Variants in DGCR8 observed in about 807,000 individuals in gnomAD.
DGCR8 encodes the protein microprocessor complex subunit DGCR8.
In DGCR8, 14 loss-of-function variants were observed where a neutral mutation model predicts 78.5. The ratio of observed to expected loss-of-function variants is 0.18; its 90% CI spans 0.12 to 0.28. The LOEUF (loss-of-function observed/expected upper bound fraction) is 0.28. Ranked by LOEUF, DGCR8 falls within the 10% of genes least tolerant of loss-of-function variation. DGCR8 has a pLI of 1.00. For missense variants in DGCR8, 702 were observed against 1,022.5 expected, an observed-to-expected ratio of 0.69 and a Z score of 4.28; for synonymous variants, 399 against 402.4, an observed-to-expected ratio of 0.99 and a Z score of 0.10.
At position 20,085,996 on chromosome 22, in the gene DGCR8, G is replaced by T. The variant is rs368705994; in HGVS notation, c.33G>T (p.Pro11=). The T allele has an allele frequency of 6.2e-7, 1 of 1,607,724 alleles. No individual in the cohort carries two copies. Among genetic ancestry groups the T allele is most frequent in the Non-Finnish European group, 8.5e-7 (1 of 1,176,332 alleles). ...CAGATGAGAGCCCCTCTCCGCTCCC[G>T]TGTGGGCCCGCAGGAGAAGCGGTGA... METDESPSPL[P]CGPAGEAVME... Residue 11 remains proline, a synonymous_variant, in exon 2 of 14, where the codon CCG becomes CCT. Transcript: ENST00000351989. This position sits in a 1 kb window ranked among gnomAD's most constrained non-coding sequence, Gnocchi z 6.2.
chr22:20,094,776 A>G lies in DGCR8; in HGVS notation c.1769A>G (p.Lys590Arg), dbSNP rs2049608324. Reference sequence around the variant, plus strand: ...AAACAGACCTCTGAAGAGAAGCCCAAAGACAGTGAAGAACTCGAGGTGAGT... The same window carrying G: ...AAACAGACCTCTGAAGAGAAGCCCAGAGACAGTGAAGAACTCGAGGTGAGT... ...FVKQTSEEKP[K>R]DSEELEYFNH... is the part of the protein sequence containing the mutation. Residue 590 changes from lysine to arginine, a missense_variant, in exon 9 of 14, where the codon AAA (lysine) becomes AGA (arginine). This residue lies in a region of DGCR8 where 225 missense variants were observed against 427.7 expected (regional missense o/e 0.53). Coordinates refer to ENST00000351989, the MANE Select transcript of DGCR8 (RefSeq NM_022720.7). 1.9e-6 allele frequency: 3 copies of G among 1,614,056 alleles called. No individual in the cohort carries two copies. Among genetic ancestry groups the G allele is most frequent in the Non-Finnish European group, 2.5e-6 (3 of 1,179,938 alleles).
chr22:20,082,513 G>A (rs1444489360), intron 1 of DGCR8, among the ~76,000 whole-genome samples: 2 of 151,786 alleles, frequency 1.3e-5, no homozygotes, highest in African/African-American at 4.8e-5. Flanking sequence ...GACTATAGGC[G>A]CCCACCACCA....
intron 9 of DGCR8, among the ~76,000 whole-genome samples, chr22:20,099,206 G>T (rs541705507): frequency 5.3e-5 from 8 of 152,194 alleles, no homozygotes; most frequent in Non-Finnish European, 1.0e-4. Context: ...TCCTGGGCCT[G>T]TGCGCAGTCA....
chr22:20,080,606 ACT>A (rs754844168), intron 1 of DGCR8: 1 of 533,224 alleles, frequency 1.9e-6, no homozygotes, highest in Non-Finnish European at 2.4e-6. Flanking sequence ...GGCGTTGCCG[ACT>A]CTCGTCGCTG....
rs1334405634 is a variant in DGCR8, at chr22:20,090,075, G to A, written c.1123G>A (p.Asp375Asn). The A allele has an allele frequency of 1.2e-6, 2 of 1,614,220 alleles. No individual in the cohort carries two copies. The highest frequency in any genetic ancestry group is 1.3e-5 in the African/African-American group (1 of 75,048). Residue 375 changes from aspartate (D) to asparagine (N), a missense_variant, in exon 5 of 14, where the codon GAT becomes AAT. By Grantham distance (23) the Asp-to-Asn change is conservative. Transcript: ENST00000351989. The part of the protein sequence containing the change: ...EQSSDLTPSG[D>N]VSPVKPLSRS... Reference sequence around the variant, plus strand: ...AAGCAGTGACCTCACCCCTAGTGGGGATGTGTCCCCCGTCAAGCCCCTGAG... The same window carrying A: ...AAGCAGTGACCTCACCCCTAGTGGGAATGTGTCCCCCGTCAAGCCCCTGAG...
At chr22:20,080,626 G>T (rs1407217520) in intron 1 of DGCR8, 6 of 379,598 alleles carry the variant, frequency 1.6e-5, no homozygotes, top group Non-Finnish European at 2.2e-5. Context: ...CTGTCCGCCC[G>T]GGTAAAGAGG....
intron 12 of DGCR8, 115 bp from the exon 13 acceptor site, chr22:20,108,775 C>CTGACAGACCCTGGGCGCGCCTACCT: frequency 4.9e-6 from 1 of 202,650 alleles, no homozygotes; most frequent in South Asian, 4.5e-5. Flanking sequence ...TGTTTCGTGT[C>CTGACAGACCCTGGGCGCGCCTACCT]TGCCAGACCC....
chr22:20,084,727 A>T (rs574664579), intron 1 of DGCR8, among the ~76,000 whole-genome samples: 64 of 152,270 alleles, frequency 4.2e-4, no homozygotes, highest in African/African-American at 1.5e-3. Flanking sequence ...TTTCTCTGCT[A>T]TCCACCTCCG....
chr22:20,090,389 G>T, intron 5 of DGCR8, 131 bp downstream of exon 5: 1 of 1,120,582 alleles, frequency 8.9e-7, no homozygotes, highest in East Asian at 2.5e-5. Context: ...TCCACTGTTG[G>T]TGTGGCTGAA....
intron 13 of DGCR8, chr22:20,109,234 G>A (rs1443386260): frequency 7.3e-6 from 3 of 413,676 alleles, no homozygotes; most frequent in African/African-American, 6.1e-5. Flanking sequence ...GCCTGTTGGT[G>A]GACCATGAAG....
intron 8 of DGCR8, among the ~76,000 whole-genome samples, chr22:20,094,085 G>A (rs1256355388): frequency 2.0e-5 from 3 of 152,158 alleles, no homozygotes; most frequent in South Asian, 4.1e-4. Context: ...TTCCCTCTGC[G>A]GGATCACCCG....
chr22:20,093,803 T>G (rs917830252), intron 8 of DGCR8, among the ~76,000 whole-genome samples: 2 of 152,224 alleles, frequency 1.3e-5, no homozygotes, highest in African/African-American at 4.8e-5. Flanking sequence ...GTAGTTGACA[T>G]TCTTTCACAA....
chr22:20,107,596 A>G (rs1297911160), intron 12 of DGCR8, 198 bp downstream of exon 12: 8 of 620,350 alleles, frequency 1.3e-5, no homozygotes, highest in Admixed American at 8.8e-5. Flanking sequence ...CCTGCTGGGC[A>G]TGGTCAGTGA....
At chr22:20,101,934 A>G (rs2049707447) in intron 9 of DGCR8, 1 of 985,360 alleles carries the variant, frequency 1.0e-6, no homozygotes, top group Non-Finnish European at 1.2e-6. Context: ...CCACGCGTGT[A>G]TGCTACTTGA....
At chr22:20,106,394 CA>C in intron 10 of DGCR8, 117 bp downstream of exon 10, 2 of 940,558 alleles carry the variant, frequency 2.1e-6, no homozygotes, top group East Asian at 5.1e-5. Context: ...TCCCTGGGTA[CA>C]CAGCAGCCCC....
chr22:20,087,187 C>T lies in DGCR8; in HGVS notation c.746C>T (p.Ala249Val), dbSNP rs2049494980. The change falls in exon 3 of 14, where the codon GCT (alanine) becomes GTT (valine). Residue 249 changes from alanine to valine, a missense_variant. By Grantham distance (64) the Ala-to-Val change is moderately conservative. Transcript: ENST00000351989. This position sits in a 1 kb window ranked among gnomAD's most constrained non-coding sequence, Gnocchi z 4.1. Reference sequence around the variant, plus strand: ...GATGACTTTGACAACGATGTGGATGCTCTGCTGGAAGAAGGCCTTTGTGCC... The same window carrying T: ...GATGACTTTGACAACGATGTGGATGTTCTGCTGGAAGAAGGCCTTTGTGCC... ...YEDDFDNDVD[A>V]LLEEGLCAPK... 1.2e-6 allele frequency: 2 copies of T among 1,612,650 alleles called. No homozygotes were observed. The highest frequency in any genetic ancestry group is 1.7e-6 in the Non-Finnish European group (2 of 1,178,988).
chr22:20,081,965 C>G (rs1439004818), intron 1 of DGCR8, among the ~76,000 whole-genome samples: 3 of 152,142 alleles, frequency 2.0e-5, no homozygotes, highest in African/African-American at 7.2e-5. Flanking sequence ...TGGTGAGCCT[C>G]TAATTCTCTT....
At chr22:20,088,897 C>T (rs56387845) in intron 3 of DGCR8, among the ~76,000 whole-genome samples, 1 of 152,164 alleles carries the variant, frequency 6.6e-6, no homozygotes, top group African/African-American at 2.4e-5. Context: ...ATCCTCCCAC[C>T]TCAGCTTCCC....
chr22:20,101,999 G>A (rs2049708004), intron 9 of DGCR8: 5 of 985,244 alleles, frequency 5.1e-6, no homozygotes, highest in Non-Finnish European at 4.8e-6. Context: ...AAAGCTTGTG[G>A]TGATCTCTTG....
Sources: gnomAD v4.1 joint callset for allele counts (sites outside exome capture counted in the v4.1 genomes callset) on GRCh38, gnomAD v4.1.1 for gene constraint, gnomAD v4.1.1 regional missense constraint, Gnocchi (gnomAD v3.1) non-coding constraint, MANE v1.5 for transcripts, NCBI Gene and HGNC (gene_info 2026-07-23, HGNC 2026-07-21) for gene names.